The following RTN1 variants were observed in gnomAD, a reference collection of about 807,000 sequenced individuals.
The protein encoded by RTN1 is reticulon 1.
Under a neutral mutation model 65.5 loss-of-function variants are expected in RTN1, and 25 were observed. The ratio of observed to expected loss-of-function variants is 0.38; its 90% CI spans 0.28 to 0.53. The LOEUF is 0.53. RTN1 is among the 20% of genes least tolerant of loss of function. RTN1 has a pLI of 0.79. For synonymous variants in RTN1, 471 were observed against 447.6 expected, an observed-to-expected ratio of 1.05 and a Z score of -0.66; for missense variants, 983 against 1,025.4, an observed-to-expected ratio of 0.96 and a Z score of 0.57.
chr14:59,643,624 T>C (rs1882828714), intron 3 of RTN1, among the ~76,000 whole-genome samples: 1 of 152,148 alleles, frequency 6.6e-6, no homozygotes, highest in African/African-American at 2.4e-5. Context: ...TGCTGAACTA[T>C]GCAGACAAAA....
intron 2 of RTN1, among the ~76,000 whole-genome samples, chr14:59,732,009 T>C (rs1884907531): frequency 6.6e-6 from 1 of 152,196 alleles, no homozygotes; most frequent in Admixed American, 6.5e-5. Flanking sequence ...CTAGGTGCAA[T>C]TGTGTTGTAC....
chr14:59,857,554 A>G (rs1887630544), intron 1 of RTN1, among the ~76,000 whole-genome samples: 1 of 152,194 alleles, frequency 6.6e-6, no homozygotes, highest in Non-Finnish European at 1.5e-5. Context: ...TGTTAGTCAC[A>G]AAGTCCTGTT....
intron 1 of RTN1, among the ~76,000 whole-genome samples, chr14:59,845,822 A>G (rs745356426): frequency 1.3e-5 from 2 of 151,764 alleles, no homozygotes; most frequent in African/African-American, 4.8e-5. Flanking sequence ...CCCTACCACA[A>G]TTTTCTGGCA....
rs1444296372 is a variant in RTN1 at position 59,825,327 on chromosome 14, G to A, written c.241+45063C>T. Among the ~76,000 whole-genome samples the A allele has an allele frequency of 2.0e-5, 3 of 152,178 alleles. No homozygotes were observed. Among genetic ancestry groups the A allele is most frequent in the Admixed American group, 2.0e-4 (3 of 15,280 alleles). Reference sequence around the variant, plus strand: ...CTGACCTCTGGGTTACCTGGTCTATGGCCTTTGTTTACCAGCCCCAATATG... The same window carrying A: ...CTGACCTCTGGGTTACCTGGTCTATAGCCTTTGTTTACCAGCCCCAATATG... On this transcript the variant is annotated intron_variant, in intron 1 of 8. Transcript: ENST00000267484. This position sits in a 1 kb window ranked among gnomAD's most constrained non-coding sequence, Gnocchi z 4.2.
intron 1 of RTN1, among the ~76,000 whole-genome samples, chr14:59,750,456 T>TATATATCTATAATATATA (rs1566713886): frequency 1.3e-3 from 35 of 27,558 alleles, no homozygotes; most frequent in Non-Finnish European, 2.0e-3. Flanking sequence ...ATCTATAATA[T>TATATATCTATAATATATA]ATATATCTAT....
intron 1 of RTN1, among the ~76,000 whole-genome samples, chr14:59,808,919 G>A (rs1278502042): frequency 1.3e-5 from 2 of 152,108 alleles, no homozygotes; most frequent in Admixed American, 1.3e-4. Context: ...AAGCCAAGCA[G>A]ATACCAGCAT....
Position 59,774,981 on chromosome 14 carries a change from C to A in RTN1, c.242-28500G>T, listed in dbSNP as rs764781144. ...ACAGAAACCTCCTTTACATCTATGG[C>A]AGAGATGGCTTCCTAGCCACCTATT... On this transcript the variant is annotated intron_variant, in intron 1 of 8. Transcript: ENST00000267484. The surrounding 1 kb of genome is among the most constrained non-coding windows in gnomAD (Gnocchi z 5.1). Among the ~76,000 whole-genome samples the A allele has an allele frequency of 2.0e-4, 31 of 152,174 alleles. No individual in the cohort carries two copies. The highest frequency in any genetic ancestry group is 4.0e-4 in the Non-Finnish European group (27 of 68,032).
At chr14:59,683,917 T>C (rs370603396) in intron 3 of RTN1, among the ~76,000 whole-genome samples, 1 of 152,088 alleles carries the variant, frequency 6.6e-6, no homozygotes, top group African/African-American at 2.4e-5. Flanking sequence ...AGAGTCTTTG[T>C]CTGATTCTTA....
At position 59,790,804 on chromosome 14, in the gene RTN1, G is replaced by A. The variant is rs1886334305; in HGVS notation, c.242-44323C>T. Reference sequence around the variant, plus strand: ...ATCATCTTTGAGTTTTGTATCTATTGCCTTCTGATGTTTAACTCAGTATCT... The same window carrying A: ...ATCATCTTTGAGTTTTGTATCTATTACCTTCTGATGTTTAACTCAGTATCT... On this transcript the variant is annotated intron_variant, in intron 1 of 8. Transcript: ENST00000267484. This position sits in a 1 kb window ranked among gnomAD's most constrained non-coding sequence, Gnocchi z 4.1. 6.6e-6 allele frequency among the ~76,000 whole-genome samples: 1 copy of A among 151,430 alleles called. No homozygotes were observed. The highest frequency in any genetic ancestry group is 1.5e-5 in the Non-Finnish European group (1 of 67,850).
intron 1 of RTN1, among the ~76,000 whole-genome samples, chr14:59,789,863 AC>A (rs1886316615): frequency 2.0e-5 from 3 of 152,266 alleles, no homozygotes; most frequent in South Asian, 2.1e-4. Flanking sequence ...TATCAAAAAA[AC>A]AAATCTAAAA....
chr14:59,812,268 G>A (rs1280791776), intron 1 of RTN1, among the ~76,000 whole-genome samples: 1 of 152,074 alleles, frequency 6.6e-6, no homozygotes, highest in African/African-American at 2.4e-5. Flanking sequence ...GAAAATGAGG[G>A]TAAAAGACAT....
At chr14:59,751,622 T>C (rs1378600915) in intron 1 of RTN1, among the ~76,000 whole-genome samples, 2 of 152,134 alleles carry the variant, frequency 1.3e-5, no homozygotes, top group Admixed American at 6.6e-5. Flanking sequence ...GGAGAAGACA[T>C]AGCAGGTGGT....
intron 1 of RTN1, among the ~76,000 whole-genome samples, chr14:59,837,121 A>G (rs1887226377): frequency 6.6e-6 from 1 of 152,166 alleles, no homozygotes; most frequent in Non-Finnish European, 1.5e-5. Flanking sequence ...CAATGAGTAT[A>G]GTACTAAACA....
chr14:59,832,075 C>T (rs1477901216), intron 1 of RTN1, among the ~76,000 whole-genome samples: 1 of 152,118 alleles, frequency 6.6e-6, no homozygotes, highest in Non-Finnish European at 1.5e-5. Flanking sequence ...TAAACACCTC[C>T]CCCAACTCTG....
rs1885859848 is a variant in RTN1 at position 59,766,874 on chromosome 14, T to C, written c.242-20393A>G. 6.6e-6 allele frequency among the ~76,000 whole-genome samples: 1 copy of C among 152,202 alleles called. No homozygotes were observed. Among genetic ancestry groups the C allele is most frequent in the Admixed American group, 6.5e-5 (1 of 15,274 alleles). On this transcript the variant is annotated intron_variant, in intron 1 of 8. Transcript: ENST00000267484. The surrounding 1 kb of genome is among the most constrained non-coding windows in gnomAD (Gnocchi z 4.4). ...CAAATATAATAATGATAAAACAAAC[T>C]TGATAGTTTCAGTGTTTAGTTATTT...
chr14:59,807,900 G>C (rs1388660108), intron 1 of RTN1, among the ~76,000 whole-genome samples: 1 of 152,154 alleles, frequency 6.6e-6, no homozygotes, highest in Non-Finnish European at 1.5e-5. Context: ...TGTGGGTCCT[G>C]TTCTTTCAAT....
chr14:59,653,303 A>C (rs936096431), intron 3 of RTN1, among the ~76,000 whole-genome samples: 2 of 152,220 alleles, frequency 1.3e-5, no homozygotes, highest in African/African-American at 4.8e-5. Flanking sequence ...AGAATTTTAT[A>C]TCCAGAAAAT....
At chr14:59,620,344 G>C (rs1167383071) in intron 3 of RTN1, among the ~76,000 whole-genome samples, 1 of 152,098 alleles carries the variant, frequency 6.6e-6, no homozygotes, top group Non-Finnish European at 1.5e-5. Flanking sequence ...GAAGAGGGTA[G>C]GAAAAGTCAA....
intron 3 of RTN1, among the ~76,000 whole-genome samples, chr14:59,693,835 A>G (rs1227469369): frequency 6.6e-6 from 1 of 152,220 alleles, no homozygotes; most frequent in Non-Finnish European, 1.5e-5. Context: ...TGCTACAGAA[A>G]AAATGTGCCC....
Sources: gnomAD v4.1 joint callset for allele counts (sites outside exome capture counted in the v4.1 genomes callset) on GRCh38, gnomAD v4.1.1 for gene constraint, Gnocchi (gnomAD v3.1) non-coding constraint, MANE v1.5 for transcripts, NCBI Gene and HGNC (gene_info 2026-07-23, HGNC 2026-07-21) for gene names.